The following KDM4C variants were observed in gnomAD, a reference collection of about 807,000 sequenced individuals.
The protein encoded by KDM4C is lysine demethylase 4C, also known as lysine-specific demethylase 4C.
KDM4C carries 81 observed loss-of-function variants against 129.3 expected under a neutral mutation model. The ratio of observed to expected loss-of-function variants is 0.63; its 90% CI spans 0.52 to 0.75. The LOEUF (loss-of-function observed/expected upper bound fraction) is 0.75, where lower values mean the gene tolerates loss of function less well. KDM4C is among the 30% of genes least tolerant of loss of function. KDM4C has a pLI of 0.00. For missense variants in KDM4C, 1,457 were observed against 1,304.0 expected (o/e 1.12, Z -1.81); for synonymous variants, 573 against 456.1 (o/e 1.26, Z -3.26).
At chr9:6,733,935 C>T (rs901724922) in intron 1 of KDM4C, among the ~76,000 whole-genome samples, 1 of 152,126 alleles carries the variant, frequency 6.6e-6, no homozygotes, top group East Asian at 1.9e-4. Flanking sequence ...CCAGAGGTCA[C>T]GCTCACATCT....
chr9:7,066,289 T>A (rs573133143), intron 17 of KDM4C, among the ~76,000 whole-genome samples: 4 of 152,274 alleles, frequency 2.6e-5, no homozygotes, highest in Admixed American at 2.6e-4. Context: ...CAGAAGGATG[T>A]ATGGTATCCC....
At chr9:6,920,101 C>A (rs1821201565) in intron 8 of KDM4C, among the ~76,000 whole-genome samples, 2 of 151,974 alleles carry the variant, frequency 1.3e-5, no homozygotes, top group Admixed American at 1.3e-4. Context: ...AGTTGTCACT[C>A]CAAAGCCTTG....
intron 1 of KDM4C, among the ~76,000 whole-genome samples, chr9:6,751,796 C>T (rs1563928145): frequency 6.6e-6 from 1 of 152,086 alleles, no homozygotes; most frequent in African/African-American, 2.4e-5. Flanking sequence ...GCTCATTGAT[C>T]AGACAGAATA....
chr9:6,806,108 T>G (rs1311787103), intron 3 of KDM4C, among the ~76,000 whole-genome samples: 2 of 152,244 alleles, frequency 1.3e-5, no homozygotes, highest in Non-Finnish European at 1.5e-5. Context: ...CTTAAATGAT[T>G]TATATGTATT....
intron 19 of KDM4C, among the ~76,000 whole-genome samples, chr9:7,141,383 A>G (rs1478629976): frequency 6.6e-6 from 1 of 152,206 alleles, no homozygotes; most frequent in African/African-American, 2.4e-5. Flanking sequence ...CAACAACAAC[A>G]TAAGGTGGGT....
chr9:6,805,826 A>C (rs763749493), intron 3 of KDM4C, 52 bp downstream of exon 3: 21 of 1,519,410 alleles, frequency 1.4e-5, no homozygotes, highest in South Asian at 1.3e-4. Context: ...TTATGTAAAT[A>C]TGTTAAGAAA....
At chr9:6,784,769 G>A (rs1244984761) in intron 1 of KDM4C, among the ~76,000 whole-genome samples, 1 of 152,202 alleles carries the variant, frequency 6.6e-6, no homozygotes, top group East Asian at 1.9e-4. Flanking sequence ...ATGGTCAGGA[G>A]GCTCAGGGAG....
At chr9:6,886,968 A>G (rs1005330447) in intron 6 of KDM4C, among the ~76,000 whole-genome samples, 1 of 152,190 alleles carries the variant, frequency 6.6e-6, no homozygotes, top group Non-Finnish European at 1.5e-5. Flanking sequence ...ACAGAGTTAG[A>G]TGTCACATTT....
intron 4 of KDM4C, among the ~76,000 whole-genome samples, chr9:6,821,648 T>C (rs559825549): frequency 6.6e-6 from 1 of 152,060 alleles, no homozygotes; most frequent in Non-Finnish European, 1.5e-5. Flanking sequence ...AGCCTCTCTT[T>C]CATTCTTTTT....
chr9:6,816,801 C>T (rs2131168545), intron 4 of KDM4C, among the ~76,000 whole-genome samples: 1 of 150,488 alleles, frequency 6.6e-6, no homozygotes, highest in African/African-American at 2.4e-5. Context: ...TGGATTTCCC[C>T]TTTAGTGAAG....
chr9:6,966,141 C>A (rs1056338437), intron 8 of KDM4C, among the ~76,000 whole-genome samples: 1 of 152,048 alleles, frequency 6.6e-6, no homozygotes, highest in African/African-American at 2.4e-5. Context: ...AAAATTTAGA[C>A]ACCTTAAGAT....
intron 21 of KDM4C, chr9:7,170,536 AAATAT>A (rs1844853130): frequency 2.1e-6 from 2 of 968,042 alleles, no homozygotes; most frequent in South Asian, 9.6e-5. Context: ...AGTCATTGAA[AAATAT>A]AATTCACAAT....
intron 17 of KDM4C, among the ~76,000 whole-genome samples, chr9:7,057,318 G>A (rs1201585287): frequency 3.9e-5 from 6 of 152,218 alleles, no homozygotes; most frequent in Admixed American, 3.9e-4. Flanking sequence ...TACTAGGACT[G>A]TTTTAGCCAG....
At chr9:7,154,690 C>A (rs1842995484) in intron 19 of KDM4C, among the ~76,000 whole-genome samples, 1 of 152,202 alleles carries the variant, frequency 6.6e-6, no homozygotes, top group South Asian at 2.1e-4. Flanking sequence ...GTACTCCTAT[C>A]AGTCCTTGAA....
intron 4 of KDM4C, among the ~76,000 whole-genome samples, chr9:6,830,204 C>T (rs1193003087): frequency 1.3e-5 from 2 of 152,148 alleles, no homozygotes; most frequent in African/African-American, 4.8e-5. Flanking sequence ...ATGTTTGTAA[C>T]ACAGTGGTAT....
intron 8 of KDM4C, among the ~76,000 whole-genome samples, chr9:6,915,375 C>G (rs1252822147): frequency 3.3e-5 from 5 of 152,186 alleles, no homozygotes; most frequent in African/African-American, 1.2e-4. Context: ...TGACCTTCCT[C>G]TGAAGCAATC....
At chr9:6,954,054 C>T (rs1828639534) in intron 8 of KDM4C, among the ~76,000 whole-genome samples, 1 of 152,184 alleles carries the variant, frequency 6.6e-6, no homozygotes, top group Non-Finnish European at 1.5e-5. Flanking sequence ...TCTCTTCCTT[C>T]ACTGCATTCA....
intron 8 of KDM4C, among the ~76,000 whole-genome samples, chr9:6,956,981 G>T (rs1452548305): frequency 6.6e-6 from 1 of 152,136 alleles, no homozygotes; most frequent in Non-Finnish European, 1.5e-5. Flanking sequence ...GCAGTGTTAA[G>T]TTGCAGTCTT....
chr9:6,953,068 T>G (rs1371075312), intron 8 of KDM4C, among the ~76,000 whole-genome samples: 5 of 152,256 alleles, frequency 3.3e-5, no homozygotes, highest in Admixed American at 2.0e-4. Flanking sequence ...CATGATTAAT[T>G]GATACTTTAC....
Sources: gnomAD v4.1 joint callset for allele counts (sites outside exome capture counted in the v4.1 genomes callset) on GRCh38, gnomAD v4.1.1 for gene constraint, MANE v1.5 for transcripts, NCBI Gene and HGNC (gene_info 2026-07-23, HGNC 2026-07-21) for gene names.